TMTC2: variants seen among roughly 807,000 people sequenced by gnomAD.
TMTC2 encodes the protein transmembrane O-mannosyltransferase targeting cadherins 2.
Under a neutral mutation model 82.4 loss-of-function variants are expected in TMTC2, and 43 were observed. The observed-to-expected ratio is 0.52, with a 90% CI of 0.41 to 0.67. The LOEUF is 0.67. Among genes scored for constraint, TMTC2 ranks in the 30% least tolerant of loss-of-function variants. TMTC2 has a pLI of 0.00. For missense variants in TMTC2, 919 were observed against 1,012.4 expected (o/e 0.91, Z 1.25); for synonymous variants, 408 against 381.9 (o/e 1.07, Z -0.80).
rs201035427 is a variant in TMTC2, at chr12:82,896,622, G to C, written c.1459G>C (p.Gly487Arg). Residue 487 changes from glycine to arginine, a missense_variant, in exon 3 of 12, where the codon GGG becomes CGG. By Grantham distance (125) the Gly-to-Arg change is moderately radical. Transcript: ENST00000321196. ...GAATGAGGAAATGCTTTATAGATCA[G>C]GGATAAAAGTAAACCCAGCTAAAGG... Reference protein sequence around the residue: ...WQNEEMLYRSGIKVNPAKAWG... With the variant: ...WQNEEMLYRSRIKVNPAKAWG... 42 of 1,608,736 alleles carry C rather than the reference G, an allele frequency of 2.6e-5. No individual in the cohort carries two copies. In the South Asian group the frequency reaches 2.8e-4, roughly 11 times the overall value.
chr12:83,050,821 C>A, intron 9 of TMTC2, 83 bp from the exon 10 acceptor site: 1 of 812,070 alleles, frequency 1.2e-6, no homozygotes, highest in Non-Finnish European at 2.0e-6. Context: ...ACCTTTACCA[C>A]TGTACTTATT....
chr12:82,984,424 A>T (rs182624830), intron 7 of TMTC2, among the ~76,000 whole-genome samples: 2 of 152,310 alleles, frequency 1.3e-5, no homozygotes, highest in East Asian at 3.9e-4. Flanking sequence ...AATTCACTTC[A>T]TCAAACATAT....
intron 8 of TMTC2, among the ~76,000 whole-genome samples, chr12:83,013,070 G>A (rs1383888261): frequency 1.3e-5 from 2 of 152,018 alleles, no homozygotes; most frequent in African/African-American, 2.4e-5. Flanking sequence ...TTTTGCTGAA[G>A]TTCATTCTGA....
At position 83,065,265 on chromosome 12, in the gene TMTC2, A is replaced by G. The variant is rs564759259; in HGVS notation, c.2331+3434A>G. Among the ~76,000 whole-genome samples the G allele has an allele frequency of 2.1e-4, 32 of 152,032 alleles. No individual in the cohort carries two copies. In the South Asian group the frequency reaches 6.6e-3, roughly 32 times the overall value. Reference sequence around the variant, plus strand: ...TGAATTTCTTTATTTTTTCTATGATATGAAAGCCATATTTTCCACATAATT... The same window carrying G: ...TGAATTTCTTTATTTTTTCTATGATGTGAAAGCCATATTTTCCACATAATT... On this transcript the variant is annotated intron_variant, in intron 11 of 11. Coordinates refer to ENST00000321196, the MANE Select transcript of TMTC2 (RefSeq NM_152588.3).
At chr12:82,916,991 T>C (rs1565808626) in intron 3 of TMTC2, among the ~76,000 whole-genome samples, 1 of 152,324 alleles carries the variant, frequency 6.6e-6, no homozygotes, top group East Asian at 1.9e-4. Context: ...TACTATTATG[T>C]TCTTTTCTGT....
Position 82,752,147 on chromosome 12 carries a change from C to CATTTTTTTTTTTTTTTTTTTTTTTTTTTT in TMTC2, c.83+64478_83+64479insATTTTTTTTTTTTTTTTTTTTTTTTTTTT, listed in dbSNP as rs58427886. ...ATGTTTTTATATTTATTGGAAGCTC[C>CATTTTTTTTTTTTTTTTTTTTTTTTTTTT]TTTTTTTTTTTTTTTTTTTCTGAAG... is the stretch of plus-strand genomic sequence containing the variant. On this transcript the variant is annotated intron_variant, in intron 1 of 11. Coordinates refer to ENST00000321196, the MANE Select transcript of TMTC2 (RefSeq NM_152588.3). Among the ~76,000 whole-genome samples the CATTTTTTTTTTTTTTTTTTTTTTTTTTTT allele has an allele frequency of 3.6e-5, 5 of 137,928 alleles. 2 individuals carry two copies. The highest frequency in any genetic ancestry group is 3.0e-5 in the Non-Finnish European group (2 of 66,034). 90.5% of individuals were successfully genotyped at this position (137,928 alleles called of 152,430 possible). A position where few individuals can be genotyped will look rare whatever the true frequency, so the allele number is the denominator to read the frequency against.
chr12:82,820,986 G>T (rs984715741), intron 1 of TMTC2, among the ~76,000 whole-genome samples: 6 of 151,988 alleles, frequency 3.9e-5, no homozygotes, highest in Non-Finnish European at 7.4e-5. Flanking sequence ...CACTTCTGGA[G>T]TAGCTAGGAC....
chr12:82,790,045 A>G (rs566441479), intron 1 of TMTC2, among the ~76,000 whole-genome samples: 34 of 151,996 alleles, frequency 2.2e-4, no homozygotes, highest in Non-Finnish European at 4.7e-4. Flanking sequence ...CTACAAAAAC[A>G]GAAAAAATTA....
At chr12:82,908,038 G>T (rs964975662) in intron 3 of TMTC2, among the ~76,000 whole-genome samples, 4 of 152,090 alleles carry the variant, frequency 2.6e-5, no homozygotes, top group African/African-American at 9.7e-5. Flanking sequence ...CTTGCACCCA[G>T]GGGGCGGAGG....
chr12:82,706,712 A>C (rs1476148238), intron 1 of TMTC2, among the ~76,000 whole-genome samples: 1 of 152,186 alleles, frequency 6.6e-6, no homozygotes, highest in Non-Finnish European at 1.5e-5. Context: ...AGAAAACTTG[A>C]CTTTACTTGG....
rs1189251446 is a variant in TMTC2 at position 82,896,292 on chromosome 12, A to C, written c.1129A>C (p.Ile377Leu). 1.9e-6 allele frequency: 3 copies of C among 1,614,188 alleles called. No homozygotes were observed. The highest frequency in any genetic ancestry group is 3.3e-5 in the Admixed American group (2 of 60,018). The change falls in exon 3 of 12, where the codon ATT becomes CTT. Residue 377 changes from isoleucine (I) to leucine (L), a missense_variant. Ile to Leu is a conservative substitution (Grantham distance 5). Coordinates refer to ENST00000321196, the MANE Select transcript of TMTC2 (RefSeq NM_152588.3). ...SSFASKVENGIKNDVSQRTQL... is the reference protein window; with the variant it reads ...SSFASKVENGLKNDVSQRTQL... Reference sequence around the variant, plus strand: ...CTTTGCATCCAAAGTAGAAAATGGCATTAAAAACGATGTATCACAGAGAAC... The same window carrying C: ...CTTTGCATCCAAAGTAGAAAATGGCCTTAAAAACGATGTATCACAGAGAAC...
chr12:82,714,984 C>G (rs1873823153), intron 1 of TMTC2, among the ~76,000 whole-genome samples: 1 of 152,040 alleles, frequency 6.6e-6, no homozygotes, highest in Non-Finnish European at 1.5e-5. Context: ...AAAAGGCATA[C>G]AAATCTGCCG....
At chr12:83,097,892 A>G (rs1378057928) in intron 11 of TMTC2, among the ~76,000 whole-genome samples, 1 of 152,202 alleles carries the variant, frequency 6.6e-6, no homozygotes, top group Admixed American at 6.5e-5. Context: ...GAAGTAGCAT[A>G]TGAGAGAGAG....
chr12:83,020,886 A>G (rs1464289521), intron 8 of TMTC2, among the ~76,000 whole-genome samples: 1 of 152,216 alleles, frequency 6.6e-6, no homozygotes, highest in Non-Finnish European at 1.5e-5. Context: ...TATTCATAGA[A>G]GTCAACCATG....
chr12:83,016,822 C>T (rs1166230690), intron 8 of TMTC2, among the ~76,000 whole-genome samples: 1 of 152,160 alleles, frequency 6.6e-6, no homozygotes, highest in Non-Finnish European at 1.5e-5. Context: ...AGGTACTTAA[C>T]CTCTCTGTGC....
chr12:82,711,981 C>A (rs79334021), intron 1 of TMTC2, among the ~76,000 whole-genome samples: 5,306 of 152,258 alleles, frequency 0.035, 192 homozygotes, highest in East Asian at 0.12. Flanking sequence ...CCTCATACAG[C>A]ACGCTCTATC....
chr12:82,939,620 TA>T (rs1272609672), intron 4 of TMTC2, among the ~76,000 whole-genome samples: 1 of 152,182 alleles, frequency 6.6e-6, no homozygotes, highest in Admixed American at 6.5e-5. Context: ...TAAATTTACC[TA>T]AAGTGGATAT....
chr12:82,721,335 A>G (rs1384937520), intron 1 of TMTC2, among the ~76,000 whole-genome samples: 1 of 152,238 alleles, frequency 6.6e-6, no homozygotes, highest in Non-Finnish European at 1.5e-5. Flanking sequence ...CCTATGGACC[A>G]GAAAATATTG....
intron 8 of TMTC2, among the ~76,000 whole-genome samples, chr12:83,010,345 A>G (rs1452925496): frequency 6.6e-6 from 1 of 152,116 alleles, no homozygotes; most frequent in Non-Finnish European, 1.5e-5. Flanking sequence ...CCCAGATTGT[A>G]TCAAGGAACT....
Sources: allele counts gnomAD v4.1 joint callset (sites outside exome capture counted in the v4.1 genomes callset), GRCh38; gene constraint gnomAD v4.1.1; transcripts MANE v1.5; gene names NCBI Gene and HGNC (gene_info 2026-07-23, HGNC 2026-07-21).